Variants in BOK observed in about 807,000 individuals in gnomAD.
BOK encodes BCL2 family apoptosis regulator BOK.
BOK carries 20 observed loss-of-function variants against 18.3 expected under a neutral mutation model. The observed-to-expected ratio is 1.09, with a 90% CI of 0.77 to 1.59. The LOEUF is 1.59. BOK is among the 40% of genes most tolerant of loss of function. The pLI, the probability that BOK is intolerant of heterozygous loss-of-function variation, is 0.00. For missense variants in BOK, 348 were observed against 307.9 expected, an observed-to-expected ratio of 1.13 and a Z score of -0.97; for synonymous variants, 173 against 142.4, an observed-to-expected ratio of 1.21 and a Z score of -1.53.
rs1221758486 is a variant in BOK, at chr2:241,562,903, G to C, written c.349+427G>C. Among the ~76,000 whole-genome samples the C allele has an allele frequency of 6.6e-6, 1 of 152,166 alleles. No individual in the cohort carries two copies. The highest frequency in any genetic ancestry group is 1.5e-5 in the Non-Finnish European group (1 of 68,042). On this transcript the variant is annotated intron_variant, in intron 3 of 4. Coordinates refer to ENST00000318407, the MANE Select transcript of BOK (RefSeq NM_032515.5). This position sits in a 1 kb window ranked among gnomAD's most constrained non-coding sequence, Gnocchi z 4.5. ...GGAGCAGGTTTCCCAGACAGCTCCC[G>C]AGTAGATGCTGCCAGGCTGTTAGGA...
chr2:241,552,294 G>A (rs1210909738), intron 1 of BOK, among the ~76,000 whole-genome samples: 1 of 152,118 alleles, frequency 6.6e-6, no homozygotes, highest in Non-Finnish European at 1.5e-5. Flanking sequence ...CAGAATGCGG[G>A]ACTCCCTCAG....
chr2:241,564,407 A>AG (rs1318271447), intron 3 of BOK, among the ~76,000 whole-genome samples: 1 of 152,184 alleles, frequency 6.6e-6, no homozygotes, highest in African/African-American at 2.4e-5. Flanking sequence ...GAGATCGTAA[A>AG]TGAATCCTCA....
chr2:241,555,333 C>T (rs760520674), upstream of BOK, among the ~76,000 whole-genome samples: 5 of 151,382 alleles, frequency 3.3e-5, no homozygotes, highest in Non-Finnish European at 7.4e-5. Flanking sequence ...ACTACTAGTG[C>T]GGTGTCACCA....
At chr2:241,554,020 G>A (rs1276427948), upstream of BOK, among the ~76,000 whole-genome samples, 2 of 152,236 alleles carry the variant, frequency 1.3e-5, no homozygotes, top group Non-Finnish European at 2.9e-5. Context: ...CAGCATCTGA[G>A]ATTTGCAGCC....
chr2:241,564,901 C>T (rs1332733753), intron 3 of BOK, among the ~76,000 whole-genome samples: 3 of 152,202 alleles, frequency 2.0e-5, no homozygotes, highest in South Asian at 2.1e-4. Flanking sequence ...CCTCCCCCTT[C>T]GGCAGGGAGA....
chr2:241,551,877 G>C (rs987288016), intron 1 of BOK, among the ~76,000 whole-genome samples: 1 of 151,934 alleles, frequency 6.6e-6, no homozygotes, highest in Non-Finnish European at 1.5e-5. Context: ...TGCCCACCCA[G>C]TATTCACCTC....
Position 241,572,703 on chromosome 2 carries a change from G to T in BOK, c.*281G>T. 4.2e-6 allele frequency: 2 copies of T among 481,398 alleles called. No homozygotes were observed. The highest frequency in any genetic ancestry group is 7.6e-6 in the Non-Finnish European group (2 of 264,676). The allele number at this position is 481,398 out of a possible 1,614,324, so 29.8% of individuals were successfully genotyped here. A position where few individuals can be genotyped will look rare whatever the true frequency, so the allele number is the denominator to read the frequency against. ...GTTTTCCCTTTTCTTTCTGGGGCCA[G>T]GAAGTCAGGGTCAACTCCCAGGCCT... On this transcript the variant is annotated 3_prime_UTR_variant, in exon 5 of 5. Transcript: ENST00000318407.
chr2:241,559,298 A>C (rs961132675), intron 1 of BOK, among the ~76,000 whole-genome samples, 157 bp from the exon 2 acceptor site: 8 of 151,724 alleles, frequency 5.3e-5, no homozygotes, highest in African/African-American at 1.9e-4. Context: ...CTCTGAAAGA[A>C]GGTGGCGCTG....
chr2:241,559,748 C>A, intron 2 of BOK, 45 bp downstream of exon 2: 1 of 1,280,206 alleles, frequency 7.8e-7, no homozygotes, highest in Non-Finnish European at 9.9e-7. Context: ...TCCTCCCCTG[C>A]TGGGCCGCAG....
intron 2 of BOK, chr2:241,560,326 G>C: frequency 2.1e-6 from 2 of 964,240 alleles, no homozygotes; most frequent in South Asian, 4.8e-5. Flanking sequence ...CACCACAGCT[G>C]GGCTGTGGCC....
intron 3 of BOK, among the ~76,000 whole-genome samples, chr2:241,569,366 T>C (rs1464987046): frequency 1.3e-5 from 2 of 151,974 alleles, no homozygotes; most frequent in South Asian, 4.2e-4. Flanking sequence ...CTCCCAACCT[T>C]GTGATCTGCC....
In BOK at chr2:241,562,556, G is replaced by A. The variant is rs1181936172; in HGVS notation, c.349+80G>A. On this transcript the variant is annotated intron_variant, in intron 3 of 4. Coordinates refer to ENST00000318407, the MANE Select transcript of BOK (RefSeq NM_032515.5). This position sits in a 1 kb window ranked among gnomAD's most constrained non-coding sequence, Gnocchi z 4.5. ...GCTCAGGCTCACAGGGACCCCACGA[G>A]CTGGCCCCCACCCATCCTGGCGCTG... The A allele has an allele frequency of 5.3e-6, 8 of 1,496,938 alleles. No homozygotes were observed. In the African/African-American group the frequency reaches 1.1e-4, roughly 21 times the overall value. The allele number at this position is 1,496,938 out of a possible 1,614,324, so 92.7% of individuals were successfully genotyped here.
chr2:241,560,747 G>T (rs1352742849), intron 2 of BOK, among the ~76,000 whole-genome samples: 2 of 152,212 alleles, frequency 1.3e-5, no homozygotes, highest in African/African-American at 4.8e-5. Flanking sequence ...GCCGCCTGCT[G>T]CTGCCTCTAG....
At chr2:241,559,733 G>C in intron 2 of BOK, 30 bp downstream of exon 2, 2 of 1,286,908 alleles carry the variant, frequency 1.6e-6, no homozygotes, top group Non-Finnish European at 2.0e-6. Flanking sequence ...ATCCCCAGCT[G>C]CGCCTCCTCC....
chr2:241,562,264 C>T lies in BOK; in HGVS notation c.221-84C>T. 6.8e-7 allele frequency: 1 copy of T among 1,475,298 alleles called. No homozygotes were observed. The highest frequency in any genetic ancestry group is 9.0e-7 in the Non-Finnish European group (1 of 1,106,948). The allele number at this position is 1,475,298 out of a possible 1,614,324, so 91.4% of individuals were successfully genotyped here. On this transcript the variant is annotated intron_variant, in intron 2 of 4. Coordinates refer to ENST00000318407, the MANE Select transcript of BOK (RefSeq NM_032515.5). The surrounding 1 kb of genome is among the most constrained non-coding windows in gnomAD (Gnocchi z 4.5). ...AATTCAAGCATGGTCAGGTGGGGGTCAGGTGCAGGGTGTGCCCCAAGCCAG... is the reference window on the plus strand; with the variant it reads ...AATTCAAGCATGGTCAGGTGGGGGTTAGGTGCAGGGTGTGCCCCAAGCCAG...
In BOK at chr2:241,560,138, C is replaced by A. The variant is rs372077787; in HGVS notation, c.220+435C>A. The stretch of plus-strand genomic sequence containing the variant: ...GATTCCGAGGCCTCCGAGGCCCCCC[C>A]ATTGGAAACTGCGCCCACCGGGCTG... On this transcript the variant is annotated intron_variant, in intron 2 of 4. Transcript: ENST00000318407. 8.0e-5 allele frequency: 79 copies of A among 985,416 alleles called. No individual in the cohort carries two copies. In the East Asian group the frequency reaches 8.0e-3, roughly 99 times the overall value. 61.0% of individuals were successfully genotyped at this position (985,416 alleles called of 1,614,324 possible).
intron 3 of BOK, among the ~76,000 whole-genome samples, chr2:241,564,030 C>T (rs938429236): frequency 2.6e-5 from 4 of 152,172 alleles, no homozygotes; most frequent in Non-Finnish European, 4.4e-5. Context: ...GAGGCCAAGG[C>T]GGCGGGGGCT....
Position 241,562,359 on chromosome 2 carries a change from G to A in BOK, c.232G>A (p.Glu78Lys), listed in dbSNP as rs2066539598. ...AVLLRLGDEL[E>K]MIRPSVYRNV... ...TTGTGACCACACAGGCGATGAGCTG[G>A]AGATGATCCGGCCCAGCGTCTACCG... is the stretch of plus-strand genomic sequence containing the variant. Residue 78 changes from glutamate to lysine, a missense_variant, in exon 3 of 5, where the codon GAG becomes AAG. Coordinates refer to ENST00000318407, the MANE Select transcript of BOK (RefSeq NM_032515.5). This position sits in a 1 kb window ranked among gnomAD's most constrained non-coding sequence, Gnocchi z 4.5. 1 of 1,606,294 alleles carries A rather than the reference G, an allele frequency of 6.2e-7. No homozygotes were observed. Among genetic ancestry groups the A allele is most frequent in the Admixed American group, 1.7e-5 (1 of 59,424 alleles).
At position 241,562,509 on chromosome 2, in the gene BOK, A is replaced by AG. The variant is rs758980901; in HGVS notation, c.349+36dup. On this transcript the variant is annotated intron_variant, in intron 3 of 4. Coordinates refer to ENST00000318407, the MANE Select transcript of BOK (RefSeq NM_032515.5). The surrounding 1 kb of genome is among the most constrained non-coding windows in gnomAD (Gnocchi z 4.5). Reference sequence around the variant, plus strand: ...CAGCCTGCCCGTCCCATGGGACCTCAGGGAGGGATCCAGGGTCTGTGGCTC... The same window carrying AG: ...CAGCCTGCCCGTCCCATGGGACCTCAGGGGAGGGATCCAGGGTCTGTGGCTC... 4 of 1,587,100 alleles carry AG rather than the reference A, an allele frequency of 2.5e-6. No individual in the cohort carries two copies. The African/African-American group carries it at 5.4e-5, about 21-fold the overall frequency.
Sources: allele counts gnomAD v4.1 joint callset (sites outside exome capture counted in the v4.1 genomes callset), GRCh38; gene constraint gnomAD v4.1.1; non-coding constraint Gnocchi (gnomAD v3.1); transcripts MANE v1.5; gene names NCBI Gene and HGNC (gene_info 2026-07-23, HGNC 2026-07-21).